The following AMZ1 variants were observed in gnomAD, a reference collection of about 807,000 sequenced individuals.
AMZ1 encodes archaelysin family metallopeptidase 1.
In AMZ1, 39 loss-of-function variants were observed where a neutral mutation model predicts 29.9. The ratio of observed to expected loss-of-function variants is 1.30; its 90% confidence interval spans 1.01 to 1.70. The LOEUF is 1.70. Ranked by LOEUF, AMZ1 falls within the 40% of genes most tolerant of loss-of-function variation. The pLI is 0.00. For synonymous variants in AMZ1, 458 were observed against 304.0 expected, an observed-to-expected ratio of 1.51 and a Z score of -5.27; for missense variants, 1,041 against 680.6, an observed-to-expected ratio of 1.53 and a Z score of -5.89.
chr7:2,680,465 C>A (rs112677672), intron 1 of AMZ1, among the ~76,000 whole-genome samples: 1 of 152,158 alleles, frequency 6.6e-6, no homozygotes, highest in South Asian at 2.1e-4. Flanking sequence ...CGCCCTGGGC[C>A]GCGAAGCCTC....
chr7:2,764,738 A>G (rs758736725), exon 1 of AMZ1: 2 of 152,224 alleles, frequency 1.3e-5, no homozygotes, highest in African/African-American at 2.4e-5. Context: ...CAGTAGCTTC[A>G]GCCACAGCTG....
intron 4 of AMZ1, among the ~76,000 whole-genome samples, chr7:2,740,370 C>T (rs143511799): frequency 2.6e-4 from 39 of 152,150 alleles, no homozygotes; most frequent in Middle Eastern, 3.4e-3. Context: ...AAGAAGAGAC[C>T]GGAGAGCTCT....
intron 4 of AMZ1, chr7:2,728,557 T>A (rs767305187): frequency 1.1e-4 from 17 of 152,490 alleles, no homozygotes; most frequent in Non-Finnish European, 1.6e-4. Context: ...GAGGAACAGA[T>A]CTTATTTTGA....
rs1790391794 is a variant in AMZ1, at chr7:2,739,526, T to G, written n.551-25186T>G. 1.3e-5 allele frequency among the ~76,000 whole-genome samples: 2 copies of G among 152,230 alleles called. 1 individual carries two copies. The highest frequency in any genetic ancestry group is 1.3e-4 in the Admixed American group (2 of 15,286). ...TGCCATTGTATGGATATGTGGTTTGTTTTTCCATTTGTCAGTTGATGAACA... is the reference window on the plus strand; with the variant it reads ...TGCCATTGTATGGATATGTGGTTTGGTTTTCCATTTGTCAGTTGATGAACA... On this transcript the variant is annotated intron_variant and non_coding_transcript_variant, in intron 4 of 4. Transcript: ENST00000489665.
At chr7:2,701,820 C>T (rs1183789308) in intron 2 of AMZ1, among the ~76,000 whole-genome samples, 1 of 152,204 alleles carries the variant, frequency 6.6e-6, no homozygotes, top group Non-Finnish European at 1.5e-5. Context: ...TCCTGCCCCT[C>T]AGGACCCAAA....
upstream of AMZ1, among the ~76,000 whole-genome samples, chr7:2,685,819 C>G (rs1787057075): frequency 6.9e-6 from 1 of 145,600 alleles, no homozygotes; most frequent in Admixed American, 7.0e-5. Context: ...CGCCACTGCA[C>G]TCCAGCCTGA....
downstream of AMZ1, among the ~76,000 whole-genome samples, chr7:2,723,108 T>C (rs1171225956): frequency 6.6e-6 from 1 of 152,050 alleles, no homozygotes; most frequent in Non-Finnish European, 1.5e-5. Context: ...AGAAATTATA[T>C]GTGACTTGAG....
chr7:2,739,471 T>C (rs1475870106), intron 4 of AMZ1, among the ~76,000 whole-genome samples: 1 of 144,696 alleles, frequency 6.9e-6, no homozygotes, highest in Non-Finnish European at 1.5e-5. Flanking sequence ...CATTCCATTT[T>C]ACGGCCAATA....
At chr7:2,689,524 C>T (rs967306193) in intron 1 of AMZ1, among the ~76,000 whole-genome samples, 4 of 152,216 alleles carry the variant, frequency 2.6e-5, no homozygotes, top group African/African-American at 9.6e-5. Context: ...CCCCCTGTCC[C>T]CGTCAGAACA....
chr7:2,687,988 G>GT (rs1215670356), upstream of AMZ1, among the ~76,000 whole-genome samples: 1 of 151,258 alleles, frequency 6.6e-6, no homozygotes, highest in Non-Finnish European at 1.5e-5. Flanking sequence ...TCCCTCACCT[G>GT]TTTGGCTTTA....
downstream of AMZ1, among the ~76,000 whole-genome samples, chr7:2,720,826 C>G (rs1259395349): frequency 1.3e-5 from 2 of 152,070 alleles, no homozygotes; most frequent in Non-Finnish European, 2.9e-5. Context: ...AGGTGTGTAT[C>G]TCTACACTGA....
At chr7:2,692,151 A>T (rs1463532847) in intron 1 of AMZ1, among the ~76,000 whole-genome samples, 4 of 152,190 alleles carry the variant, frequency 2.6e-5, no homozygotes, top group Non-Finnish European at 5.9e-5. Flanking sequence ...GAGGCCGGCT[A>T]AGTGCCTCCT....
rs961235632 is a variant in AMZ1, at chr7:2,714,203, T to G, written c.*1325T>G. On this transcript the variant is annotated 3_prime_UTR_variant, in exon 7 of 7. Coordinates refer to ENST00000683327, the MANE Select transcript of AMZ1 (RefSeq NM_001384743.1). ...CGGGGTCACAGCTCGCGCACCCTCATCTGGAGAGAGGCAAGAACAGGGCAG... is the reference window on the plus strand; with the variant it reads ...CGGGGTCACAGCTCGCGCACCCTCAGCTGGAGAGAGGCAAGAACAGGGCAG... 6.6e-6 allele frequency: 1 copy of G among 152,362 alleles called. No individual in the cohort carries two copies. Among genetic ancestry groups the G allele is most frequent in the African/African-American group, 2.4e-5 (1 of 41,434 alleles). 9.4% of individuals were successfully genotyped at this position (152,362 alleles called of 1,614,324 possible).
intron 4 of AMZ1, among the ~76,000 whole-genome samples, chr7:2,748,481 C>A (rs1790873614): frequency 6.6e-6 from 1 of 152,102 alleles, no homozygotes; most frequent in Non-Finnish European, 1.5e-5. Flanking sequence ...AACTGGATCC[C>A]TTCCTTACAC....
At chr7:2,687,917 A>T (rs1050532361), upstream of AMZ1, among the ~76,000 whole-genome samples, 14 of 151,996 alleles carry the variant, frequency 9.2e-5, no homozygotes, top group African/African-American at 3.4e-4. Context: ...GGCGCCTTGC[A>T]GAGTAGCCGG....
intron 4 of AMZ1, among the ~76,000 whole-genome samples, chr7:2,750,422 A>G (rs906039281): frequency 2.6e-5 from 4 of 152,268 alleles, no homozygotes; most frequent in Non-Finnish European, 5.9e-5. Context: ...CTCAGGGGAC[A>G]CATGCTGAGA....
chr7:2,746,329 G>C (rs1223841308), intron 4 of AMZ1, among the ~76,000 whole-genome samples: 1 of 152,204 alleles, frequency 6.6e-6, no homozygotes, highest in African/African-American at 2.4e-5. Context: ...CTGTCTCTCA[G>C]ACCACAGTGC....
upstream of AMZ1, chr7:2,762,866 C>T (rs890231440): frequency 6.9e-6 from 10 of 1,452,248 alleles, no homozygotes; most frequent in Admixed American, 5.2e-5. Flanking sequence ...AGGGCCAGCT[C>T]CGAGCCCTGC....
At chr7:2,704,633 G>A (rs563728447) in intron 3 of AMZ1, among the ~76,000 whole-genome samples, 1 of 114,820 alleles carries the variant, frequency 8.7e-6, no homozygotes, top group African/African-American at 3.5e-5. Context: ...GTCTTGCTGT[G>A]TCACCCAGGC....
Sources: gnomAD v4.1 joint callset for allele counts (sites outside exome capture counted in the v4.1 genomes callset) on GRCh38, gnomAD v4.1.1 for gene constraint, MANE v1.5 for transcripts, NCBI Gene and HGNC (gene_info 2026-07-23, HGNC 2026-07-21) for gene names.